Variants in TIPIN observed in about 807,000 individuals in gnomAD.
TIPIN encodes TIMELESS interacting protein.
In TIPIN, 29 loss-of-function variants were observed where a neutral mutation model predicts 35.6. The observed-to-expected ratio is 0.82, with a 90% CI of 0.61 to 1.11. TIPIN has a LOEUF of 1.11. Among genes scored for constraint, TIPIN ranks in the 50% most tolerant of loss-of-function variants. The probability of loss-of-function intolerance (pLI) is 0.00; values close to 1 mark genes in which losing one functional copy is unlikely to be tolerated. For synonymous variants in TIPIN, 102 were observed against 121.5 expected (o/e 0.84, Z 1.06); for missense variants, 296 against 345.4 (o/e 0.86, Z 1.13).
At chr15:66,371,174 G>GCA (rs764663593) in intron 1 of TIPIN, 338 of 932,500 alleles carry the variant, frequency 3.6e-4, no homozygotes, top group South Asian at 7.9e-4. Context: ...TCTCGCCATT[G>GCA]CACTGCAGGC....
rs1595811218 is a variant in TIPIN, at chr15:66,364,411, G to A, written c.-8-11456C>T. On this transcript the variant is annotated intron_variant, in intron 1 of 7. Transcript: ENST00000562124. ...GAACTCCTGACCTCGTGATCTGCCC[G>A]CCTCGGCTTCCCAGTGTTCTGGCAT... Among the ~76,000 whole-genome samples the A allele has an allele frequency of 3.3e-5, 5 of 151,684 alleles. No homozygotes were observed. In the South Asian group the frequency reaches 8.3e-4, roughly 25 times the overall value.
chr15:66,343,612 G>A (rs1336146568), intron 6 of TIPIN, among the ~76,000 whole-genome samples: 2 of 152,142 alleles, frequency 1.3e-5, no homozygotes, highest in African/African-American at 4.8e-5. Flanking sequence ...AAACAAAAAT[G>A]TAGGAAGAAA....
intron 1 of TIPIN, among the ~76,000 whole-genome samples, chr15:66,373,321 G>A (rs896113241): frequency 4.8e-4 from 73 of 152,056 alleles, no homozygotes; most frequent in East Asian, 2.7e-3. Flanking sequence ...GTGAAACACC[G>A]TCTCTACTAA....
intron 1 of TIPIN, among the ~76,000 whole-genome samples, chr15:66,385,223 C>T (rs1162325833): frequency 1.3e-5 from 2 of 152,134 alleles, no homozygotes; most frequent in Non-Finnish European, 2.9e-5. Flanking sequence ...GTGTTCAAGC[C>T]CTCTTCATTT....
chr15:66,363,067 TG>T (rs1566981486), intron 1 of TIPIN, among the ~76,000 whole-genome samples: 1 of 152,136 alleles, frequency 6.6e-6, no homozygotes, highest in Non-Finnish European at 1.5e-5. Flanking sequence ...CTGCAAATGA[TG>T]GGGGGAAGAT....
chr15:66,339,188 GA>G (rs535455740), intron 7 of TIPIN, among the ~76,000 whole-genome samples: 15 of 125,406 alleles, frequency 1.2e-4, no homozygotes, highest in African/African-American at 3.8e-4. Context: ...CATCTTAACT[GA>G]AAAAAAAAGT....
At chr15:66,383,795 TTAA>T (rs1218314302) in intron 1 of TIPIN, 1 of 158,472 alleles carries the variant, frequency 6.3e-6, no homozygotes, top group African/African-American at 2.4e-5. Flanking sequence ...AAGACCATAG[TTAA>T]TAACATTGTA....
chr15:66,346,275 T>C (rs2093124984), intron 6 of TIPIN, among the ~76,000 whole-genome samples: 5 of 151,376 alleles, frequency 3.3e-5, no homozygotes, highest in Admixed American at 2.6e-4. Context: ...TTTTTTTTTT[T>C]TACTGCCATA....
intron 1 of TIPIN, chr15:66,379,909 T>A: frequency 6.6e-7 from 1 of 1,505,924 alleles, no homozygotes; most frequent in Non-Finnish European, 9.1e-7. Flanking sequence ...ATGAGAATGG[T>A]CTTCACTCTC....
At chr15:66,337,311 C>A in intron 7 of TIPIN, 130 bp from the exon 8 acceptor site, 6 of 576,578 alleles carry the variant, frequency 1.0e-5, no homozygotes, top group East Asian at 3.0e-5. Flanking sequence ...ATTATGATCA[C>A]TTTCTTCTAA....
intron 1 of TIPIN, among the ~76,000 whole-genome samples, chr15:66,371,570 G>C (rs1012215418): frequency 5.4e-5 from 8 of 148,652 alleles, no homozygotes; most frequent in Admixed American, 1.4e-4. Flanking sequence ...CTGGAGTGCA[G>C]TGGCGCGATC....
intron 1 of TIPIN, chr15:66,371,427 A>G: frequency 1.0e-6 from 1 of 966,668 alleles, no homozygotes; most frequent in Non-Finnish European, 1.2e-6. Context: ...AGGACAAATA[A>G]AAATATATTT....
intron 1 of TIPIN, among the ~76,000 whole-genome samples, chr15:66,365,149 T>A (rs934411246): frequency 6.6e-6 from 1 of 152,006 alleles, no homozygotes; most frequent in Non-Finnish European, 1.5e-5. Flanking sequence ...TCAACAGGAC[T>A]GGTATTGCAA....
At chr15:66,338,754 C>A (rs558731682) in intron 7 of TIPIN, among the ~76,000 whole-genome samples, 1 of 136,852 alleles carries the variant, frequency 7.3e-6, no homozygotes, top group South Asian at 2.2e-4. Context: ...GCGGGGCTTG[C>A]AGTGAGCCGA....
intron 1 of TIPIN, among the ~76,000 whole-genome samples, chr15:66,367,548 C>G (rs2093261264): frequency 6.6e-6 from 1 of 151,724 alleles, no homozygotes; most frequent in Non-Finnish European, 1.5e-5. Flanking sequence ...GCACCCACCA[C>G]CACACTTGGC....
At chr15:66,346,081 G>C (rs1566973226) in intron 6 of TIPIN, among the ~76,000 whole-genome samples, 1 of 151,730 alleles carries the variant, frequency 6.6e-6, no homozygotes, top group Non-Finnish European at 1.5e-5. Flanking sequence ...CGAGTAACTA[G>C]GATTACAGGC....
chr15:66,358,393 G>T (rs1158718008), upstream of TIPIN, among the ~76,000 whole-genome samples: 1 of 151,598 alleles, frequency 6.6e-6, no homozygotes, highest in Non-Finnish European at 1.5e-5. Flanking sequence ...AGGGAATACT[G>T]GCAGCATTAT....
intron 6 of TIPIN, among the ~76,000 whole-genome samples, chr15:66,346,546 A>AC: frequency 6.6e-6 from 1 of 151,978 alleles, no homozygotes; most frequent in Non-Finnish European, 1.5e-5. Context: ...TACAACACCT[A>AC]CCACACTACT....
intron 2 of TIPIN, 76 bp from the exon 3 acceptor site, chr15:66,352,283 TGATAA>T (rs1320386869): frequency 2.2e-5 from 26 of 1,192,358 alleles, no homozygotes; most frequent in Non-Finnish European, 2.8e-5. Context: ...ATTTCCAAGC[TGATAA>T]GATAACTAAA....
Sources: allele counts gnomAD v4.1 joint callset (sites outside exome capture counted in the v4.1 genomes callset), GRCh38; gene constraint gnomAD v4.1.1; transcripts MANE v1.5; gene names NCBI Gene and HGNC (gene_info 2026-07-23, HGNC 2026-07-21).